Variants in KIF20B observed in about 807,000 individuals in gnomAD.
KIF20B encodes kinesin-like protein KIF20B.
In KIF20B, 188 loss-of-function variants were observed where a neutral mutation model predicts 232.5. The observed-to-expected ratio is 0.81, with a 90% CI of 0.72 to 0.91. The LOEUF (loss-of-function observed/expected upper bound fraction) is 0.91. Among genes scored for constraint, KIF20B ranks in the 40% least tolerant of loss-of-function variants. The pLI is 0.00. For synonymous variants in KIF20B, 712 were observed against 683.0 expected, an observed-to-expected ratio of 1.04 and a Z score of -0.66; for missense variants, 2,154 against 2,055.9, an observed-to-expected ratio of 1.05 and a Z score of -0.92.
chr10:89,737,801 C>T lies in KIF20B; in HGVS notation c.2960C>T (p.Thr987Met), dbSNP rs779075638. 6.2e-6 allele frequency: 10 copies of T among 1,612,828 alleles called. No individual in the cohort carries two copies. In the Admixed American group the frequency reaches 6.7e-5, roughly 11 times the overall value. The change falls in exon 20 of 33, where the codon ACG becomes ATG. Residue 987 changes from threonine (T) to methionine (M), a missense_variant. Transcript: ENST00000371728. ...GTTTCACAAATAAAATTAATGCACA[C>T]GAAAATAGACGAACTACGTACTCTT... ...NNVSQIKLMHTKIDELRTLDS... is the reference protein window; with the variant it reads ...NNVSQIKLMHMKIDELRTLDS...
intron 13 of KIF20B, among the ~76,000 whole-genome samples, chr10:89,720,854 C>T (rs562677544): frequency 2.6e-5 from 4 of 152,204 alleles, no homozygotes; most frequent in African/African-American, 9.6e-5. Context: ...TATAGGCATG[C>T]GTAACCATAC....
intron 6 of KIF20B, among the ~76,000 whole-genome samples, chr10:89,712,813 A>T (rs1301859083): frequency 6.6e-6 from 1 of 152,172 alleles, no homozygotes; most frequent in Admixed American, 6.5e-5. Flanking sequence ...ACATTATTCT[A>T]TTCAAGGCTG....
chr10:89,720,149 C>T (rs1450505649), intron 13 of KIF20B, among the ~76,000 whole-genome samples: 1 of 152,106 alleles, frequency 6.6e-6, no homozygotes, highest in Non-Finnish European at 1.5e-5. Flanking sequence ...TTCTTTATAG[C>T]CACTTTGTTT....
At chr10:89,739,882 T>C (rs1300309303) in intron 21 of KIF20B, among the ~76,000 whole-genome samples, 1 of 152,222 alleles carries the variant, frequency 6.6e-6, no homozygotes, top group East Asian at 1.9e-4. Flanking sequence ...ATTTCTGAGA[T>C]TGATTTTGTA....
Position 89,719,476 on chromosome 10 carries a change from T to C in KIF20B, c.1492T>C (p.Ser498Pro), listed in dbSNP as rs1291468732. The change falls in exon 13 of 33, where the codon TCT becomes CCT. Residue 498 changes from serine (S) to proline (P), a missense_variant. Physicochemically the swap from Ser to Pro is moderately conservative, Grantham distance 74. Coordinates refer to ENST00000371728, the MANE Select transcript of KIF20B (RefSeq NM_001284259.2). ...SQEKLFGPVK[S>P]SQDVSLDSNS... ...AGAGAAATTATTTGGACCTGTCAAA[T>C]CTTCTCAAGATGTATCACTAGACAG... 1.2e-6 allele frequency: 2 copies of C among 1,605,574 alleles called. No homozygotes were observed. Among genetic ancestry groups the C allele is most frequent in the Non-Finnish European group, 1.7e-6 (2 of 1,176,272 alleles).
At chr10:89,739,653 T>G (rs1841749679) in intron 21 of KIF20B, among the ~76,000 whole-genome samples, 1 of 141,996 alleles carries the variant, frequency 7.0e-6, no homozygotes, top group Non-Finnish European at 1.5e-5. Flanking sequence ...CTCTAAAGAT[T>G]GGAGCACTTT....
chr10:89,717,034 G>GAC (rs1842949749), intron 9 of KIF20B, among the ~76,000 whole-genome samples: 1 of 152,124 alleles, frequency 6.6e-6, no homozygotes, highest in African/African-American at 2.4e-5. Context: ...TTGGGCATGG[G>GAC]ACAATACAAG....
intron 31 of KIF20B, 25 bp downstream of exon 31, chr10:89,768,913 C>T: frequency 1.3e-6 from 2 of 1,561,294 alleles, no homozygotes; most frequent in Non-Finnish European, 1.7e-6. Context: ...AATTAAATGA[C>T]CTTTTTTTGT....
intron 2 of KIF20B, among the ~76,000 whole-genome samples, chr10:89,707,701 C>T (rs1243339693): frequency 6.6e-6 from 1 of 151,414 alleles, no homozygotes; most frequent in Non-Finnish European, 1.5e-5. Flanking sequence ...TACAATGTTA[C>T]TAGAAGTGGG....
intron 29 of KIF20B, among the ~76,000 whole-genome samples, chr10:89,765,842 T>C (rs1180460766): frequency 6.6e-6 from 1 of 152,190 alleles, no homozygotes; most frequent in African/African-American, 2.4e-5. Flanking sequence ...CACTCTCTTC[T>C]GGCTTGTAGA....
chr10:89,723,455 A>T (rs574345281), intron 13 of KIF20B: 1 of 152,366 alleles, frequency 6.6e-6, no homozygotes, highest in South Asian at 2.1e-4. Context: ...AGTTTATGTA[A>T]CATCTTTATT....
intron 23 of KIF20B, among the ~76,000 whole-genome samples, chr10:89,749,160 T>C (rs1841977282): frequency 1.3e-5 from 2 of 152,312 alleles, no homozygotes; most frequent in African/African-American, 4.8e-5. Flanking sequence ...ACTTGCCTGA[T>C]TAAGATGTCG....
Position 89,717,578 on chromosome 10 carries a change from T to G in KIF20B, c.1127T>G (p.Leu376Ter). 1 of 1,604,352 alleles carries G rather than the reference T, an allele frequency of 6.2e-7. No individual in the cohort carries two copies. The highest frequency in any genetic ancestry group is 8.5e-7 in the Non-Finnish European group (1 of 1,175,884). ...EMSRVIRVSE[L>*]SLCDLAGSER... ...GTACTTTTTTTTTCTTAATTCAGAT[T>G]ATCTTTATGTGATCTTGCTGGTTCA... The change falls in exon 11 of 33, where the codon TTA (leucine) becomes TGA (stop). Residue 376 changes from leucine (L) to a stop codon, truncating the protein, a stop_gained and splice_region_variant. Transcript: ENST00000371728. LOFTEE classifies it high-confidence loss of function.
Position 89,770,944 on chromosome 10 carries a change from C to T in KIF20B, c.5243-1745C>T, listed in dbSNP as rs533243253. On this transcript the variant is annotated intron_variant, in intron 31 of 32. Transcript: ENST00000371728. Reference sequence around the variant, plus strand: ...GAATGACCTGATTTCTGACTCTCTCCAATCTATCTCTTATTATTCTACGGT... The same window carrying T: ...GAATGACCTGATTTCTGACTCTCTCTAATCTATCTCTTATTATTCTACGGT... Among the ~76,000 whole-genome samples the T allele has an allele frequency of 6.0e-4, 91 of 152,174 alleles. 1 individual carries two copies. Among genetic ancestry groups the T allele is most frequent in the Middle Eastern group, 6.8e-3 (2 of 294 alleles).
chr10:89,767,440 C>G (rs1252113759), intron 29 of KIF20B, among the ~76,000 whole-genome samples: 1 of 151,768 alleles, frequency 6.6e-6, no homozygotes, highest in Non-Finnish European at 1.5e-5. Flanking sequence ...CACTGGCATC[C>G]TATGATTACC....
intron 1 of KIF20B, among the ~76,000 whole-genome samples, chr10:89,704,992 A>G (rs1842692073): frequency 6.6e-6 from 1 of 152,234 alleles, no homozygotes; most frequent in South Asian, 2.1e-4. Context: ...AGAGGATTTC[A>G]CGGAGAGAGT....
intron 22 of KIF20B, among the ~76,000 whole-genome samples, chr10:89,744,917 G>T (rs1439680964): frequency 6.6e-6 from 1 of 152,264 alleles, no homozygotes; most frequent in Middle Eastern, 3.4e-3. Flanking sequence ...TGAGATTGGG[G>T]GTGAAGTTTG....
intron 12 of KIF20B, 139 bp from the exon 13 acceptor site, chr10:89,719,280 A>G (rs1842998421): frequency 1.7e-6 from 1 of 603,318 alleles, no homozygotes; most frequent in African/African-American, 1.9e-5. Context: ...AGGGATGGTG[A>G]TTCCTGTTTG....
At chr10:89,709,023 CAT>C (rs1564656710) in intron 2 of KIF20B, 142 bp from the exon 3 acceptor site, 1 of 629,124 alleles carries the variant, frequency 1.6e-6, no homozygotes, top group African/African-American at 1.9e-5. Flanking sequence ...GTTTTTCTAA[CAT>C]TATTAAAAGC....
Sources: gnomAD v4.1 joint callset for allele counts (sites outside exome capture counted in the v4.1 genomes callset) on GRCh38, gnomAD v4.1.1 for gene constraint, MANE v1.5 for transcripts, NCBI Gene and HGNC (gene_info 2026-07-23, HGNC 2026-07-21) for gene names.